Variants in HIVEP3 observed in about 807,000 individuals in gnomAD.
The protein encoded by HIVEP3 is transcription factor HIVEP3.
HIVEP3 carries 49 observed loss-of-function variants against 152.8 expected under a neutral mutation model. The ratio of observed to expected loss-of-function variants is 0.32; its 90% CI spans 0.26 to 0.41. The LOEUF is 0.41. Among genes scored for constraint, HIVEP3 ranks in the 10% least tolerant of loss-of-function variants. The probability of loss-of-function intolerance (pLI) is 1.00; values close to 1 mark genes in which losing one functional copy is unlikely to be tolerated. For synonymous variants in HIVEP3, 1,269 were observed against 1,289.0 expected, an observed-to-expected ratio of 0.98 and a Z score of 0.33; for missense variants, 2,790 against 3,103.3, an observed-to-expected ratio of 0.90 and a Z score of 2.40.
At chr1:42,031,943 G>A (rs1435677588) in intron 1 of HIVEP3, among the ~76,000 whole-genome samples, 1 of 152,102 alleles carries the variant, frequency 6.6e-6, no homozygotes, top group Non-Finnish European at 1.5e-5. Flanking sequence ...CAGTCAATGT[G>A]GTAATCAAAA....
intron 1 of HIVEP3, among the ~76,000 whole-genome samples, chr1:41,880,280 A>G (rs1229233603): frequency 6.6e-6 from 1 of 152,090 alleles, no homozygotes; most frequent in African/African-American, 2.4e-5. Context: ...GGCTCAAGCA[A>G]TGCCCCCACC....
rs149130962 is a variant in HIVEP3, at chr1:41,904,747, T to G, written c.-801+13666A>C. ...TGATCACCCTGGTCCACAATCATGT[T>G]ATTCTTCAAGAGAGAAAATGGCCAG... On this transcript the variant is annotated intron_variant, in intron 1 of 8. Transcript: ENST00000372583. Among the ~76,000 whole-genome samples the G allele has an allele frequency of 2.6e-5, 4 of 152,386 alleles. No individual in the cohort carries two copies. The East Asian group carries it at 7.7e-4, about 29-fold the overall frequency.
At chr1:41,910,523 G>T (rs1374860871) in intron 1 of HIVEP3, among the ~76,000 whole-genome samples, 4 of 151,848 alleles carry the variant, frequency 2.6e-5, no homozygotes, top group Admixed American at 6.6e-5. Flanking sequence ...GCAAAACCAT[G>T]ATACAAAACC....
intron 5 of HIVEP3, among the ~76,000 whole-genome samples, chr1:41,575,007 C>G (rs1026416334): frequency 1.3e-5 from 2 of 152,196 alleles, no homozygotes; most frequent in Non-Finnish European, 2.9e-5. Context: ...AAAATATTCA[C>G]CAACCATTGA....
At chr1:41,902,491 C>T (rs1193341251) in intron 1 of HIVEP3, among the ~76,000 whole-genome samples, 2 of 152,188 alleles carry the variant, frequency 1.3e-5, no homozygotes, top group Non-Finnish European at 2.9e-5. Context: ...GGCAAGGTGG[C>T]TGACCTTTCA....
At chr1:41,902,942 T>C (rs1644650410) in intron 1 of HIVEP3, among the ~76,000 whole-genome samples, 1 of 152,210 alleles carries the variant, frequency 6.6e-6, no homozygotes, top group African/African-American at 2.4e-5. Context: ...TAAAAGTGAA[T>C]GTGACACAAC....
At chr1:41,916,960 A>C (rs913585457) in intron 1 of HIVEP3, among the ~76,000 whole-genome samples, 37 of 152,094 alleles carry the variant, frequency 2.4e-4, no homozygotes, top group Admixed American at 5.2e-4. Flanking sequence ...TACTGGCTGA[A>C]AGAGACACAG....
intron 1 of HIVEP3, among the ~76,000 whole-genome samples, chr1:41,888,691 T>A (rs1379198379): frequency 2.3e-5 from 2 of 88,248 alleles, no homozygotes; most frequent in African/African-American, 4.5e-5. Context: ...CCCCCCAACA[T>A]ACACACCATA....
At chr1:41,621,248 G>A (rs901888537) in intron 3 of HIVEP3, among the ~76,000 whole-genome samples, 10 of 152,212 alleles carry the variant, frequency 6.6e-5, no homozygotes, top group African/African-American at 2.2e-4. Flanking sequence ...CTGGCCCCCA[G>A]TATGGGACAG....
chr1:41,998,698 C>G (rs1645408973), intron 1 of HIVEP3, among the ~76,000 whole-genome samples: 1 of 151,980 alleles, frequency 6.6e-6, no homozygotes, highest in South Asian at 2.1e-4. Context: ...CTATTAACAA[C>G]TGACCATTTG....
In HIVEP3 at chr1:42,032,202, G is replaced by A. The variant is rs1645616997; in HGVS notation, n.119+3605C>T. ...CCAACCCCATCTCTGTGTAACCACA[G>A]GAAGGCAGCATCCTCTCACACACAA... On this transcript the variant is annotated intron_variant and non_coding_transcript_variant, in intron 1 of 3. Transcript: ENST00000489103. 2.0e-5 allele frequency among the ~76,000 whole-genome samples: 3 copies of A among 152,280 alleles called. No individual in the cohort carries two copies. The South Asian group carries it at 6.2e-4, about 32-fold the overall frequency.
At chr1:41,721,862 C>T (rs1204569896) in intron 1 of HIVEP3, among the ~76,000 whole-genome samples, 1 of 152,204 alleles carries the variant, frequency 6.6e-6, no homozygotes, top group Admixed American at 6.5e-5. Context: ...GTGCACAGAA[C>T]TGCCTTCCCT....
At chr1:41,758,617 G>A (rs1420759670) in intron 1 of HIVEP3, among the ~76,000 whole-genome samples, 4 of 152,224 alleles carry the variant, frequency 2.6e-5, no homozygotes, top group South Asian at 2.1e-4. Flanking sequence ...TCTCTGGGCC[G>A]AGGCCCAGGA....
intron 5 of HIVEP3, among the ~76,000 whole-genome samples, chr1:41,560,227 T>G (rs183965343): frequency 2.0e-5 from 3 of 152,178 alleles, no homozygotes; most frequent in African/African-American, 7.2e-5. Flanking sequence ...AGCACTATGA[T>G]TATTCTCATT....
intron 2 of HIVEP3, among the ~76,000 whole-genome samples, chr1:41,671,950 G>A (rs1212138610): frequency 6.6e-6 from 1 of 152,204 alleles, no homozygotes; most frequent in Admixed American, 6.5e-5. Flanking sequence ...AAGGGAGGGA[G>A]AAGAAAGTGG....
intron 2 of HIVEP3, among the ~76,000 whole-genome samples, chr1:41,636,625 C>T (rs1645277946): frequency 6.6e-6 from 1 of 151,854 alleles, no homozygotes; most frequent in Non-Finnish European, 1.5e-5. Flanking sequence ...GACATATAGC[C>T]AATAAAATGG....
At chr1:41,887,962 C>T (rs2993121) in intron 1 of HIVEP3, among the ~76,000 whole-genome samples, 1 of 151,866 alleles carries the variant, frequency 6.6e-6, no homozygotes, top group African/African-American at 2.4e-5. Flanking sequence ...CCAGTGGTTT[C>T]TGAGTCAGAC....
At chr1:41,800,421 T>A (rs900685498) in intron 1 of HIVEP3, among the ~76,000 whole-genome samples, 2 of 151,998 alleles carry the variant, frequency 1.3e-5, no homozygotes, top group Non-Finnish European at 2.9e-5. Flanking sequence ...GGACAAGAGG[T>A]CATGCAGAGA....
At chr1:41,645,001 CT>C (rs1347820457) in intron 2 of HIVEP3, among the ~76,000 whole-genome samples, 1 of 152,190 alleles carries the variant, frequency 6.6e-6, no homozygotes. Context: ...GTACCCAAAG[CT>C]TCACAGTGAG....
Sources: gnomAD v4.1 joint callset for allele counts (sites outside exome capture counted in the v4.1 genomes callset) on GRCh38, gnomAD v4.1.1 for gene constraint, MANE v1.5 for transcripts, NCBI Gene and HGNC (gene_info 2026-07-23, HGNC 2026-07-21) for gene names.